Variants in KCNAB1 observed in about 807,000 individuals in gnomAD.
The protein encoded by KCNAB1 is voltage-gated potassium channel subunit beta-1.
Under a neutral mutation model 64.6 loss-of-function variants are expected in KCNAB1, and 35 were observed. The ratio of observed to expected loss-of-function variants is 0.54; its 90% CI spans 0.41 to 0.72. KCNAB1 has a LOEUF of 0.72. Ranked by LOEUF, KCNAB1 falls within the 30% of genes least tolerant of loss-of-function variation. The pLI, the probability that KCNAB1 is intolerant of heterozygous loss-of-function variation, is 0.00. For synonymous variants in KCNAB1, 177 were observed against 183.8 expected, an observed-to-expected ratio of 0.96 and a Z score of 0.30; for missense variants, 401 against 512.9, an observed-to-expected ratio of 0.78 and a Z score of 2.11.
intron 2 of KCNAB1, among the ~76,000 whole-genome samples, chr3:156,437,337 T>G (rs564686553): frequency 6.6e-6 from 1 of 152,218 alleles, no homozygotes; most frequent in African/African-American, 2.4e-5. Context: ...TCTATTTCTA[T>G]TTGAATCTGG....
intron 8 of KCNAB1, among the ~76,000 whole-genome samples, chr3:156,509,465 T>C (rs1717042627): frequency 6.6e-6 from 1 of 152,186 alleles, no homozygotes; most frequent in African/African-American, 2.4e-5. Flanking sequence ...TTCTAAATCC[T>C]GGCTGCACAC....
At chr3:156,209,913 C>T (rs1714908482) in intron 1 of KCNAB1, among the ~76,000 whole-genome samples, 1 of 152,180 alleles carries the variant, frequency 6.6e-6, no homozygotes, top group Admixed American at 6.5e-5. Flanking sequence ...CAAACCAGTG[C>T]ACTTGCATTC....
At chr3:156,488,425 A>G (rs1715371177) in intron 8 of KCNAB1, among the ~76,000 whole-genome samples, 1 of 152,026 alleles carries the variant, frequency 6.6e-6, no homozygotes, top group Non-Finnish European at 1.5e-5. Context: ...CATAAGAGAG[A>G]TAAGGAGACT....
At chr3:156,291,630 T>C in intron 1 of KCNAB1, 1 of 1,325,360 alleles carries the variant, frequency 7.5e-7, no homozygotes, top group Non-Finnish European at 9.7e-7. Flanking sequence ...CCCGGGAAGA[T>C]TTGCAAACCT....
intron 8 of KCNAB1, among the ~76,000 whole-genome samples, chr3:156,500,820 AG>A (rs1716348390): frequency 6.6e-6 from 1 of 152,326 alleles, no homozygotes; most frequent in Middle Eastern, 3.4e-3. Flanking sequence ...TGTTTGTGGA[AG>A]TATCATCATC....
intron 12 of KCNAB1, among the ~76,000 whole-genome samples, chr3:156,526,300 T>G (rs1718306138): frequency 6.6e-6 from 1 of 152,204 alleles, no homozygotes; most frequent in Non-Finnish European, 1.5e-5. Context: ...TCTCAGAACG[T>G]GTCCCTGTCG....
downstream of KCNAB1, chr3:156,539,038 AG>A (rs1719282583): frequency 1.3e-5 from 2 of 151,880 alleles, no homozygotes; most frequent in African/African-American, 2.4e-5. Context: ...TTAGTTAGTT[AG>A]TTATGTCCTT....
chr3:156,532,453 C>T (rs113401460), intron 13 of KCNAB1, among the ~76,000 whole-genome samples: 41 of 152,346 alleles, frequency 2.7e-4, no homozygotes, highest in African/African-American at 9.1e-4. Flanking sequence ...CTATTTTTCT[C>T]TTGCTCATGG....
rs1716975676 is a variant in KCNAB1 at position 156,508,663 on chromosome 3, T to C, written c.659-5701T>C. Among the ~76,000 whole-genome samples the C allele has an allele frequency of 6.6e-6, 1 of 152,236 alleles. No individual in the cohort carries two copies. Among genetic ancestry groups the C allele is most frequent in the Non-Finnish European group, 1.5e-5 (1 of 68,038 alleles). On this transcript the variant is annotated intron_variant, in intron 8 of 13. Coordinates refer to ENST00000490337, the MANE Select transcript of KCNAB1 (RefSeq NM_172160.3). This position sits in a 1 kb window ranked among gnomAD's most constrained non-coding sequence, Gnocchi z 4.1. Reference sequence around the variant, plus strand: ...ACTGTTTCAAATTCACAAGTTATTCTACACCCATTATCCCACGTCAAGCTT... The same window carrying C: ...ACTGTTTCAAATTCACAAGTTATTCCACACCCATTATCCCACGTCAAGCTT...
intron 1 of KCNAB1, among the ~76,000 whole-genome samples, chr3:156,379,349 G>A (rs1711977626): frequency 6.6e-6 from 1 of 152,178 alleles, no homozygotes; most frequent in Admixed American, 6.5e-5. Flanking sequence ...ATAAGATGAG[G>A]AAATCATGTA....
chr3:156,414,797 C>A (rs1268102888), intron 1 of KCNAB1, among the ~76,000 whole-genome samples: 1 of 152,118 alleles, frequency 6.6e-6, no homozygotes, highest in Non-Finnish European at 1.5e-5. Context: ...AAGAGTAGCT[C>A]TTATTTAAGG....
chr3:156,526,695 C>G (rs1220034278), intron 12 of KCNAB1, among the ~76,000 whole-genome samples: 1 of 152,162 alleles, frequency 6.6e-6, no homozygotes, highest in East Asian at 1.9e-4. Flanking sequence ...GTCTTGTCTC[C>G]TTCATCACCA....
At chr3:156,291,487 G>A (rs552425081) in intron 1 of KCNAB1, 2 of 1,056,644 alleles carry the variant, frequency 1.9e-6, no homozygotes, top group Non-Finnish European at 2.3e-6. Flanking sequence ...GCCCAGAAGC[G>A]AGCCCGCATT....
chr3:156,341,207 A>G (rs972120745), intron 1 of KCNAB1, among the ~76,000 whole-genome samples: 1 of 152,240 alleles, frequency 6.6e-6, no homozygotes, highest in Admixed American at 6.5e-5. Flanking sequence ...ATTCTCTTAG[A>G]GTACCATACC....
At chr3:156,203,019 A>T (rs909111192) in intron 1 of KCNAB1, among the ~76,000 whole-genome samples, 1 of 152,188 alleles carries the variant, frequency 6.6e-6, no homozygotes, top group Non-Finnish European at 1.5e-5. Flanking sequence ...TATCTTTGAC[A>T]AGTTTTGGTA....
intron 1 of KCNAB1, among the ~76,000 whole-genome samples, chr3:156,401,508 T>C (rs116779997): frequency 0.011 from 1,712 of 152,356 alleles, 28 homozygotes; most frequent in African/African-American, 0.04. Flanking sequence ...TTCTTGGTGT[T>C]GAAATGTGGC....
At chr3:156,199,929 C>T (rs1432540038) in intron 1 of KCNAB1, among the ~76,000 whole-genome samples, 1 of 152,184 alleles carries the variant, frequency 6.6e-6, no homozygotes, top group Non-Finnish European at 1.5e-5. Context: ...ATCACTTTTG[C>T]ACTGTTTTTT....
chr3:156,166,963 C>G (rs1711610673), intron 1 of KCNAB1, among the ~76,000 whole-genome samples: 1 of 152,138 alleles, frequency 6.6e-6, no homozygotes, highest in Admixed American at 6.5e-5. Context: ...ACATGGGCAC[C>G]TCTTGGTTGT....
chr3:156,231,074 C>G (rs1057289777), intron 1 of KCNAB1, among the ~76,000 whole-genome samples: 3 of 152,054 alleles, frequency 2.0e-5, no homozygotes, highest in Non-Finnish European at 2.9e-5. Context: ...ACAGGTGTAC[C>G]CTTTCCATCC....
Sources: allele counts gnomAD v4.1 joint callset (sites outside exome capture counted in the v4.1 genomes callset), GRCh38; gene constraint gnomAD v4.1.1; non-coding constraint Gnocchi (gnomAD v3.1); transcripts MANE v1.5; gene names NCBI Gene and HGNC (gene_info 2026-07-23, HGNC 2026-07-21).